Variants in GNAQ observed in about 807,000 individuals in gnomAD.
The protein encoded by GNAQ is G protein subunit alpha q.
In GNAQ, 8 loss-of-function variants were observed where a neutral mutation model predicts 43.9. The ratio of observed to expected loss-of-function variants is 0.18; its 90% CI spans 0.11 to 0.33. The LOEUF is 0.33. GNAQ is among the 10% of genes least tolerant of loss of function. The pLI is 1.00. For synonymous variants in GNAQ, 155 were observed against 170.7 expected, an observed-to-expected ratio of 0.91 and a Z score of 0.71; for missense variants, 158 against 450.8, an observed-to-expected ratio of 0.35 and a Z score of 5.88.
intron 1 of GNAQ, among the ~76,000 whole-genome samples, chr9:77,997,429 G>A (rs916603443): frequency 2.2e-4 from 33 of 152,122 alleles, no homozygotes; most frequent in African/African-American, 7.7e-4. Flanking sequence ...CTCTGCCATC[G>A]AATTCTCTGT....
chr9:77,863,173 T>TGAAA (rs1279816293), intron 2 of GNAQ, among the ~76,000 whole-genome samples: 1 of 37,922 alleles, frequency 2.6e-5, no homozygotes, highest in Admixed American at 2.7e-4. Flanking sequence ...AAACTCCGTA[T>TGAAA]GAAAGAAAGG....
intron 1 of GNAQ, among the ~76,000 whole-genome samples, chr9:77,935,289 C>T (rs1477787803): frequency 6.6e-6 from 1 of 152,096 alleles, no homozygotes; most frequent in Non-Finnish European, 1.5e-5. Context: ...TGATCAAAAA[C>T]CATAGTACCT....
At chr9:77,924,021 C>G (rs1265707487) in intron 1 of GNAQ, among the ~76,000 whole-genome samples, 1 of 152,148 alleles carries the variant, frequency 6.6e-6, no homozygotes, top group African/African-American at 2.4e-5. Context: ...AGCCCTCACA[C>G]AGTTACAATG....
intron 1 of GNAQ, among the ~76,000 whole-genome samples, chr9:77,934,786 G>A (rs998789679): frequency 1.3e-5 from 2 of 152,150 alleles, no homozygotes; most frequent in African/African-American, 4.8e-5. Context: ...TGACCTTTAA[G>A]GACTTTTAGA....
At chr9:77,744,914 T>C (rs1825706831) in intron 5 of GNAQ, among the ~76,000 whole-genome samples, 1 of 151,554 alleles carries the variant, frequency 6.6e-6, no homozygotes, top group African/African-American at 2.4e-5. Context: ...CAACAAAACC[T>C]AATGAAGAAA....
chr9:77,759,867 A>G (rs1825962674), intron 5 of GNAQ, among the ~76,000 whole-genome samples: 1 of 150,102 alleles, frequency 6.7e-6, no homozygotes, highest in African/African-American at 2.4e-5. Flanking sequence ...CTTAGTCCCT[A>G]TTTCTTCTAC....
At chr9:77,937,477 A>G (rs1829248478) in intron 1 of GNAQ, among the ~76,000 whole-genome samples, 1 of 152,198 alleles carries the variant, frequency 6.6e-6, no homozygotes, top group Non-Finnish European at 1.5e-5. Context: ...GAGTTCAATG[A>G]TTTTTAATAT....
intron 2 of GNAQ, among the ~76,000 whole-genome samples, chr9:77,881,729 T>C (rs1338026692): frequency 6.6e-6 from 1 of 152,208 alleles, no homozygotes; most frequent in Admixed American, 6.5e-5. Flanking sequence ...AGTCAATCTG[T>C]GTTCTGCCCA....
chr9:77,813,957 G>C (rs1319702208), intron 3 of GNAQ, among the ~76,000 whole-genome samples: 4 of 152,202 alleles, frequency 2.6e-5, no homozygotes, highest in Non-Finnish European at 4.4e-5. Context: ...AGCAAAGTGA[G>C]AAGCAGAGAG....
At chr9:77,953,659 C>T (rs1327063436) in intron 1 of GNAQ, among the ~76,000 whole-genome samples, 1 of 152,206 alleles carries the variant, frequency 6.6e-6, no homozygotes, top group African/African-American at 2.4e-5. Flanking sequence ...TCTTTCTTAA[C>T]ACAAAAACAA....
chr9:78,024,122 A>C (rs1266805904), intron 1 of GNAQ, among the ~76,000 whole-genome samples: 1 of 152,222 alleles, frequency 6.6e-6, no homozygotes, highest in Non-Finnish European at 1.5e-5. Context: ...TTGTGTGTGT[A>C]ACAGCTTTCC....
intron 1 of GNAQ, among the ~76,000 whole-genome samples, chr9:78,024,864 T>C (rs1823958000): frequency 6.6e-6 from 1 of 152,210 alleles, no homozygotes; most frequent in Non-Finnish European, 1.5e-5. Flanking sequence ...GAGGAAATAT[T>C]TTTTAATAAC....
At chr9:78,005,847 A>G (rs779133412) in intron 1 of GNAQ, among the ~76,000 whole-genome samples, 1 of 152,218 alleles carries the variant, frequency 6.6e-6, no homozygotes, top group African/African-American at 2.4e-5. Context: ...ATATAGTTGT[A>G]TCATGGCTAC....
At chr9:77,946,255 C>A (rs182951862) in intron 1 of GNAQ, among the ~76,000 whole-genome samples, 119 of 152,216 alleles carry the variant, frequency 7.8e-4, no homozygotes, top group African/African-American at 2.8e-3. Flanking sequence ...CTAGGAATTT[C>A]TTGGTGAGTA....
chr9:77,857,793 T>C (rs1827782985), intron 2 of GNAQ, among the ~76,000 whole-genome samples: 1 of 151,798 alleles, frequency 6.6e-6, no homozygotes, highest in Admixed American at 6.6e-5. Context: ...CTTTTTTTTT[T>C]CAAGGCCATT....
chr9:77,880,776 G>C (rs187416903), intron 2 of GNAQ, among the ~76,000 whole-genome samples: 7 of 152,056 alleles, frequency 4.6e-5, no homozygotes, highest in Non-Finnish European at 1.0e-4. Flanking sequence ...CTGCTGATAC[G>C]CATTATGCCT....
intron 2 of GNAQ, among the ~76,000 whole-genome samples, chr9:77,911,435 T>C (rs1240129055): frequency 6.6e-6 from 1 of 152,176 alleles, no homozygotes; most frequent in African/African-American, 2.4e-5. Flanking sequence ...GTGAGCTGCT[T>C]CCCATTATCT....
intron 2 of GNAQ, among the ~76,000 whole-genome samples, chr9:77,843,824 A>C (rs1827530435): frequency 6.6e-6 from 1 of 152,174 alleles, no homozygotes. Flanking sequence ...TGGCTTACTC[A>C]TCAGACTAAG....
At position 78,031,329 on chromosome 9, in the gene GNAQ, G is replaced by T. The variant is rs1038099737; in HGVS notation, c.-94C>A. 3.8e-6 allele frequency: 4 copies of T among 1,040,450 alleles called. No individual in the cohort carries two copies. The African/African-American group carries it at 6.7e-5, about 17-fold the overall frequency. 64.5% of individuals were successfully genotyped at this position (1,040,450 alleles called of 1,614,324 possible). On this transcript the variant is annotated 5_prime_UTR_variant, in exon 1 of 7. Coordinates refer to ENST00000286548, the MANE Select transcript of GNAQ (RefSeq NM_002072.5). ...GCCCTCGCTCCCCCGAGGCAGCGGT[G>T]GCCGCCGAGCCCCCGCCGCCCGGGC... is the stretch of plus-strand genomic sequence containing the variant.
Sources: gnomAD v4.1 joint callset for allele counts (sites outside exome capture counted in the v4.1 genomes callset) on GRCh38, gnomAD v4.1.1 for gene constraint, MANE v1.5 for transcripts, NCBI Gene and HGNC (gene_info 2026-07-23, HGNC 2026-07-21) for gene names.